The following RNF182 variants were observed in gnomAD, a reference collection of about 807,000 sequenced individuals.
RNF182 encodes ring finger protein 182, also known as E3 ubiquitin-protein ligase RNF182.
In RNF182, 15 loss-of-function variants were observed where a neutral mutation model predicts 14.4. The observed-to-expected ratio is 1.04, with a 90% CI of 0.70 to 1.60. RNF182 has a LOEUF of 1.60. RNF182 is among the 40% of genes most tolerant of loss of function. The pLI is 0.00. For missense variants in RNF182, 268 were observed against 294.8 expected (o/e 0.91, Z 0.67); for synonymous variants, 128 against 122.9 (o/e 1.04, Z -0.27).
intron 1 of RNF182, among the ~76,000 whole-genome samples, chr6:13,927,749 A>G (rs1201391198): frequency 2.6e-5 from 4 of 152,228 alleles, no homozygotes; most frequent in Non-Finnish European, 5.9e-5. Context: ...TGCAATTTCT[A>G]GTTGCACTGT....
intron 1 of RNF182, among the ~76,000 whole-genome samples, chr6:13,927,944 C>G (rs1331338245): frequency 6.6e-6 from 1 of 152,128 alleles, no homozygotes; most frequent in African/African-American, 2.4e-5. Context: ...CTGTAAATAT[C>G]AGGTATTGTT....
chr6:13,933,457 C>A (rs1759026708), intron 1 of RNF182, among the ~76,000 whole-genome samples: 1 of 151,544 alleles, frequency 6.6e-6, no homozygotes, highest in Non-Finnish European at 1.5e-5. Context: ...CTCAGGAGTT[C>A]AGGTTTCCAT....
chr6:13,968,954 A>G (rs1263572068), intron 1 of RNF182, among the ~76,000 whole-genome samples: 1 of 152,216 alleles, frequency 6.6e-6, no homozygotes. Flanking sequence ...ACAGCATGGT[A>G]ACTGTATTAG....
intron 1 of RNF182, among the ~76,000 whole-genome samples, chr6:13,967,331 T>G (rs777294696): frequency 1.1e-4 from 17 of 152,186 alleles, no homozygotes; most frequent in Non-Finnish European, 2.1e-4. Context: ...AGGCAGAGTT[T>G]ATGAAGAAAA....
intron 1 of RNF182, among the ~76,000 whole-genome samples, chr6:13,932,319 T>G (rs773674636): frequency 6.6e-6 from 1 of 152,214 alleles, no homozygotes; most frequent in Non-Finnish European, 1.5e-5. Context: ...CTTTAGGCCT[T>G]TAAGTTCAAC....
intron 1 of RNF182, among the ~76,000 whole-genome samples, chr6:13,927,710 T>C (rs898488219): frequency 6.6e-6 from 1 of 152,278 alleles, no homozygotes; most frequent in Admixed American, 6.5e-5. Flanking sequence ...CTGAAGCCTT[T>C]ATTGACTGTT....
chr6:13,972,286 CAG>C (rs1224079562), intron 1 of RNF182, among the ~76,000 whole-genome samples: 1 of 128,642 alleles, frequency 7.8e-6, no homozygotes, highest in Non-Finnish European at 1.6e-5. Flanking sequence ...GCCTGGGTGA[CAG>C]AGCAAGACTC....
intron 1 of RNF182, among the ~76,000 whole-genome samples, chr6:13,946,941 C>A (rs1340978328): frequency 6.6e-6 from 1 of 152,090 alleles, no homozygotes; most frequent in African/African-American, 2.4e-5. Flanking sequence ...AAGATGATAC[C>A]TGGAAGATTA....
intron 1 of RNF182, among the ~76,000 whole-genome samples, chr6:13,938,297 G>A (rs958668504): frequency 2.7e-5 from 4 of 150,464 alleles, no homozygotes; most frequent in Non-Finnish European, 5.9e-5. Flanking sequence ...GATTACAGGC[G>A]TGAGCCACTG....
rs775833811 is a variant in RNF182 at position 13,977,461 on chromosome 6, G to A, written c.342G>A (p.Arg114=). The part of the protein sequence containing the change: ...NPTELLLTPK[R]LASLVSPSHT... ...CTGAGCTGCTGCTCACCCCCAAGAG[G>A]CTGGCCTCTCTGGTCAGTCCTTCTC... Residue 114 remains arginine (R), a synonymous_variant, in exon 3 of 3, where the codon AGG becomes AGA. Coordinates refer to ENST00000488300, the MANE Select transcript of RNF182 (RefSeq NM_152737.4). The A allele has an allele frequency of 3.1e-6, 5 of 1,614,160 alleles. No homozygotes were observed. In the South Asian group the frequency reaches 4.4e-5, roughly 14 times the overall value.
chr6:13,964,697 A>T (rs1759973295), intron 1 of RNF182, among the ~76,000 whole-genome samples: 1 of 152,116 alleles, frequency 6.6e-6, no homozygotes, highest in Non-Finnish European at 1.5e-5. Flanking sequence ...CATCCATTTG[A>T]TGAGTCCCAC....
At chr6:13,938,351 T>C (rs909832644) in intron 1 of RNF182, among the ~76,000 whole-genome samples, 1 of 151,906 alleles carries the variant, frequency 6.6e-6, no homozygotes, top group Non-Finnish European at 1.5e-5. Context: ...TTCTTTATAT[T>C]TTCTAGATAG....
chr6:13,965,068 C>T (rs72833156), intron 1 of RNF182, among the ~76,000 whole-genome samples: 17 of 152,286 alleles, frequency 1.1e-4, no homozygotes, highest in Non-Finnish European at 7.4e-5. Context: ...ACAGAACTCA[C>T]GCTGAATGTG....
upstream of RNF182, chr6:13,924,601 C>G (rs540593491): frequency 3.3e-5 from 5 of 152,470 alleles, no homozygotes; most frequent in African/African-American, 1.2e-4. Context: ...TGGAGGGTGT[C>G]TGTGGGGGGG....
chr6:13,970,443 T>C (rs916150214), intron 1 of RNF182, among the ~76,000 whole-genome samples: 1 of 152,214 alleles, frequency 6.6e-6, no homozygotes, highest in African/African-American at 2.4e-5. Context: ...TTTCATTCTT[T>C]GTTATTGCCA....
chr6:13,972,241 C>T (rs1581261522), intron 1 of RNF182, among the ~76,000 whole-genome samples: 1 of 149,462 alleles, frequency 6.7e-6, no homozygotes, highest in African/African-American at 2.5e-5. Context: ...GGAGGTGGAA[C>T]TTGCAGTGAG....
intron 1 of RNF182, among the ~76,000 whole-genome samples, chr6:13,942,600 C>G (rs280151): frequency 0.57 from 87,378 of 152,006 alleles, 28,606 homozygotes; most frequent in Non-Finnish European, 0.74. Flanking sequence ...CCTCAGCCTA[C>G]CAGAGTGCTG....
chr6:13,963,434 A>G lies in RNF182; in HGVS notation c.-366-10776A>G, dbSNP rs371540685. 3.3e-5 allele frequency among the ~76,000 whole-genome samples: 5 copies of G among 152,316 alleles called. No individual in the cohort carries two copies. The East Asian group carries it at 7.7e-4, about 24-fold the overall frequency. On this transcript the variant is annotated intron_variant, in intron 1 of 2. Coordinates refer to ENST00000488300, the MANE Select transcript of RNF182 (RefSeq NM_152737.4). Reference sequence around the variant, plus strand: ...AAACTAGTGGCTGGAAACAACAGCCATTTTATTGGTTCATGAGTCTGTGGC... The same window carrying G: ...AAACTAGTGGCTGGAAACAACAGCCGTTTTATTGGTTCATGAGTCTGTGGC...
At chr6:13,966,675 ATTGC>A (rs754224630) in intron 1 of RNF182, among the ~76,000 whole-genome samples, 10 of 151,824 alleles carry the variant, frequency 6.6e-5, no homozygotes, top group Non-Finnish European at 1.0e-4. Flanking sequence ...AGGCGGGAAG[ATTGC>A]TTGACCCCGC....
Sources: allele counts gnomAD v4.1 joint callset (sites outside exome capture counted in the v4.1 genomes callset), GRCh38; gene constraint gnomAD v4.1.1; transcripts MANE v1.5; gene names NCBI Gene and HGNC (gene_info 2026-07-23, HGNC 2026-07-21).